The following WDR89 variants were observed in gnomAD, a reference collection of about 807,000 sequenced individuals.
The protein encoded by WDR89 is WD repeat domain 89.
In WDR89, 17 loss-of-function variants were observed where a neutral mutation model predicts 29.1. The ratio of observed to expected loss-of-function variants is 0.58; its 90% CI spans 0.40 to 0.88. The LOEUF (loss-of-function observed/expected upper bound fraction) is 0.88. WDR89 is among the 40% of genes least tolerant of loss of function. WDR89 has a pLI of 0.00. For synonymous variants in WDR89, 138 were observed against 157.8 expected (o/e 0.87, Z 0.94); for missense variants, 396 against 456.3 (o/e 0.87, Z 1.20).
At chr14:63,627,426 TATAAAAAAATTA>T (rs1883144048) in intron 1 of WDR89, among the ~76,000 whole-genome samples, 2 of 152,312 alleles carry the variant, frequency 1.3e-5, no homozygotes, top group East Asian at 3.9e-4. Flanking sequence ...AAGTAGCTTT[TATAAAAAAATTA>T]AAGTCCATAG....
intron 2 of WDR89, among the ~76,000 whole-genome samples, chr14:63,615,407 T>C (rs1460733129): frequency 1.3e-5 from 2 of 152,232 alleles, no homozygotes; most frequent in Admixed American, 6.5e-5. Context: ...TTACTATTTC[T>C]TCATTTTCTA....
At chr14:63,631,476 C>G (rs1413407703) in intron 1 of WDR89, among the ~76,000 whole-genome samples, 3 of 151,978 alleles carry the variant, frequency 2.0e-5, no homozygotes, top group African/African-American at 7.3e-5. Context: ...AGCAATCGTG[C>G]CACCTCAGCC....
chr14:63,606,009 T>G (rs941737886), intron 2 of WDR89, among the ~76,000 whole-genome samples: 1 of 145,942 alleles, frequency 6.9e-6, no homozygotes, highest in Non-Finnish European at 1.5e-5. Flanking sequence ...TTTTTTCTTC[T>G]TTTTTTTTTT....
chr14:63,629,526 T>C (rs925979396), intron 1 of WDR89, among the ~76,000 whole-genome samples: 2 of 152,240 alleles, frequency 1.3e-5, no homozygotes, highest in Non-Finnish European at 2.9e-5. Context: ...TGACTTAGCG[T>C]TCAGGATCTT....
chr14:63,619,487 A>G (rs936914391), intron 2 of WDR89, among the ~76,000 whole-genome samples: 11 of 152,286 alleles, frequency 7.2e-5, no homozygotes, highest in African/African-American at 2.6e-4. Flanking sequence ...AAAACAGAAA[A>G]AAACCCAGAG....
Position 63,636,384 on chromosome 14 carries a change from C to T in WDR89, c.-138+5420G>A, listed in dbSNP as rs112447318. Among the ~76,000 whole-genome samples the T allele has an allele frequency of 1.8e-4, 28 of 152,208 alleles. No individual in the cohort carries two copies. The South Asian group carries it at 4.3e-3, about 24-fold the overall frequency. ...CAATGCAATCCCCATCAAAATACCA[C>T]GATCATTCTTCACAGAACTAGAAAA... On this transcript the variant is annotated intron_variant, in intron 1 of 2. Transcript: ENST00000620954.
At chr14:63,611,359 A>AAAG (rs1555374334) in intron 2 of WDR89, among the ~76,000 whole-genome samples, 15 of 139,930 alleles carry the variant, frequency 1.1e-4, no homozygotes, top group African/African-American at 4.4e-4. Flanking sequence ...AAAAAAAAAA[A>AAAG]GCTTTAAGAT....
intron 2 of WDR89, among the ~76,000 whole-genome samples, chr14:63,611,985 C>A (rs552071168): frequency 6.6e-6 from 1 of 152,254 alleles, no homozygotes; most frequent in East Asian, 1.9e-4. Flanking sequence ...ACCTCAGCCT[C>A]CCAAAGTGCT....
At chr14:63,634,568 A>G (rs1053655808) in intron 1 of WDR89, among the ~76,000 whole-genome samples, 8 of 151,740 alleles carry the variant, frequency 5.3e-5, no homozygotes, top group Non-Finnish European at 1.0e-4. Flanking sequence ...AGGGAAATAG[A>G]TAGCTTAAAG....
At chr14:63,635,734 G>A (rs1883692922) in intron 1 of WDR89, among the ~76,000 whole-genome samples, 1 of 152,112 alleles carries the variant, frequency 6.6e-6, no homozygotes, top group South Asian at 2.1e-4. Flanking sequence ...AAACTGTAAG[G>A]ACTCCTCCAG....
rs1020840388 is a variant in WDR89, at chr14:63,600,713, T to C, written c.-31-740A>G. Among the ~76,000 whole-genome samples, 5 of 42,898 alleles carry C rather than the reference T, an allele frequency of 1.2e-4. No homozygotes were observed. The Admixed American group carries it at 1.2e-3, about 10-fold the overall frequency. The allele number at this position is 42,898 out of a possible 152,430, so 28.1% of individuals were successfully genotyped here. ...ACTTTAGAATTTAAACATAGATATGTAGGCAAAAAAAAAAAAAAAAAAAAA... is the reference window on the plus strand; with the variant it reads ...ACTTTAGAATTTAAACATAGATATGCAGGCAAAAAAAAAAAAAAAAAAAAA... On this transcript the variant is annotated intron_variant, in intron 2 of 2. Coordinates refer to ENST00000620954, the MANE Select transcript of WDR89 (RefSeq NM_080666.4).
chr14:63,609,012 T>C (rs1475766285), intron 2 of WDR89, among the ~76,000 whole-genome samples: 3 of 151,608 alleles, frequency 2.0e-5, no homozygotes, highest in Non-Finnish European at 2.9e-5. Context: ...GGCAGGGGAA[T>C]GAGGCAAGGG....
chr14:63,625,334 G>A lies in WDR89; in HGVS notation c.-137-301C>T, dbSNP rs998778653. Among the ~76,000 whole-genome samples the A allele has an allele frequency of 4.7e-5, 7 of 150,130 alleles. No homozygotes were observed. In the East Asian group the frequency reaches 5.8e-4, roughly 12 times the overall value. ...TTAAGGGGCACAAGGAAACTTTTTG[G>A]GTGATGAAAATATTCTGTATCTTAA... On this transcript the variant is annotated intron_variant, in intron 1 of 2. Transcript: ENST00000620954.
intron 1 of WDR89, among the ~76,000 whole-genome samples, chr14:63,633,517 G>A (rs1354645330): frequency 6.6e-6 from 1 of 152,070 alleles, no homozygotes; most frequent in Non-Finnish European, 1.5e-5. Context: ...TACAGACTTT[G>A]TTTTGCATTT....
chr14:63,599,572 T>C lies in WDR89; in HGVS notation c.371A>G (p.Asn124Ser), dbSNP rs759055176. ...PSNIFISFDI[N>S]CNDHIICAGT... ...AGCACAAATAATATGATCATTACAA[T>C]TAATATCAAAACTGATAAAAATATT... Residue 124 changes from asparagine to serine, a missense_variant, in exon 3 of 3, where the codon AAT becomes AGT. Coordinates refer to ENST00000620954, the MANE Select transcript of WDR89 (RefSeq NM_080666.4). 1 of 1,614,120 alleles carries C rather than the reference T, an allele frequency of 6.2e-7. No homozygotes were observed. Among genetic ancestry groups the C allele is most frequent in the Non-Finnish European group, 8.5e-7 (1 of 1,180,002 alleles).
intron 1 of WDR89, among the ~76,000 whole-genome samples, chr14:63,637,840 T>C (rs1428689550): frequency 1.3e-5 from 2 of 152,116 alleles, no homozygotes; most frequent in Admixed American, 1.3e-4. Flanking sequence ...ACTACAAATA[T>C]GGTGTAGTGT....
intron 2 of WDR89, among the ~76,000 whole-genome samples, chr14:63,605,253 A>G (rs935967962): frequency 2.8e-5 from 4 of 144,800 alleles, no homozygotes; most frequent in African/African-American, 1.1e-4. Flanking sequence ...CGAGCTGGGA[A>G]AGTTCCATCA....
At chr14:63,613,954 C>G (rs929504907) in intron 2 of WDR89, among the ~76,000 whole-genome samples, 2 of 150,788 alleles carry the variant, frequency 1.3e-5, no homozygotes, top group Non-Finnish European at 2.9e-5. Context: ...CAGCCTATTA[C>G]TGAAATTTTA....
intron 1 of WDR89, among the ~76,000 whole-genome samples, chr14:63,636,476 T>C (rs187640814): frequency 4.6e-5 from 7 of 151,942 alleles, no homozygotes; most frequent in Admixed American, 3.9e-4. Context: ...TAAGCAAAAA[T>C]AACAAATCTG....
Sources: allele counts gnomAD v4.1 joint callset (sites outside exome capture counted in the v4.1 genomes callset), GRCh38; gene constraint gnomAD v4.1.1; transcripts MANE v1.5; gene names NCBI Gene and HGNC (gene_info 2026-07-23, HGNC 2026-07-21).